Variants in CHD7 observed in about 807,000 individuals in gnomAD.
CHD7 encodes the protein ATP-dependent chromatin remodeler CHD7.
CHD7 carries 24 observed loss-of-function variants against 307.3 expected under a neutral mutation model. The ratio of observed to expected loss-of-function variants is 0.08; its 90% CI spans 0.06 to 0.11. The LOEUF (loss-of-function observed/expected upper bound fraction) is 0.11, where lower values mean the gene tolerates loss of function less well. CHD7 is among the 10% of genes least tolerant of loss of function. The probability of loss-of-function intolerance (pLI) is 1.00; values close to 1 mark genes in which losing one functional copy is unlikely to be tolerated. For synonymous variants in CHD7, 1,363 were observed against 1,349.9 expected, an observed-to-expected ratio of 1.01 and a Z score of -0.21; for missense variants, 3,106 against 3,727.1, an observed-to-expected ratio of 0.83 and a Z score of 4.34.
chr8:60,827,861 C>T (rs543839194), intron 13 of CHD7, among the ~76,000 whole-genome samples: 1 of 152,030 alleles, frequency 6.6e-6, no homozygotes, highest in Non-Finnish European at 1.5e-5. Context: ...TGTATAATTA[C>T]TTTCTGAAAT....
intron 5 of CHD7, among the ~76,000 whole-genome samples, chr8:60,801,106 TGTTAA>T (rs1812290047): frequency 6.6e-6 from 1 of 152,260 alleles, no homozygotes; most frequent in Admixed American, 6.5e-5. Context: ...ATTTGTTCTA[TGTTAA>T]GTTGTTACAT....
At chr8:60,697,847 T>TCTG (rs1375440184) in intron 1 of CHD7, among the ~76,000 whole-genome samples, 1 of 152,262 alleles carries the variant, frequency 6.6e-6, no homozygotes, top group East Asian at 1.9e-4. Flanking sequence ...TGGTGCCACC[T>TCTG]CTGATCTTGC....
chr8:60,760,181 G>A (rs1473769992), intron 2 of CHD7, among the ~76,000 whole-genome samples: 1 of 152,170 alleles, frequency 6.6e-6, no homozygotes, highest in Admixed American at 6.5e-5. Flanking sequence ...GACTTCATAA[G>A]ATGGTCCTAG....
rs2150775393 is a variant in CHD7 at position 60,836,058 on chromosome 8, G to A, written c.3779-15G>A. Reference sequence around the variant, plus strand: ...CCTTTTACAGTATTCACGTTATGCTGTCCAATCTCTGCAGGTGCTGAAGAG... The same window carrying A: ...CCTTTTACAGTATTCACGTTATGCTATCCAATCTCTGCAGGTGCTGAAGAG... On this transcript the variant is annotated splice_polypyrimidine_tract_variant and intron_variant, in intron 15 of 37. Coordinates refer to ENST00000423902, the MANE Select transcript of CHD7 (RefSeq NM_017780.4). The A allele has an allele frequency of 2.5e-6, 4 of 1,587,414 alleles. No homozygotes were observed. The highest frequency in any genetic ancestry group is 2.6e-6 in the Non-Finnish European group (3 of 1,161,066).
intron 2 of CHD7, among the ~76,000 whole-genome samples, chr8:60,747,833 A>G (rs151204915): frequency 1.8e-3 from 273 of 152,342 alleles, no homozygotes; most frequent in African/African-American, 6.1e-3. Flanking sequence ...TCATTTCATT[A>G]TCTCTGAAGT....
rs777040556 is a variant in CHD7, at chr8:60,742,418, A to G, written c.986A>G (p.Asn329Ser). The change falls in exon 2 of 38, where the codon AAT (asparagine) becomes AGT (serine). Residue 329 changes from asparagine (N) to serine (S), a missense_variant. Around this residue, in one of 10 missense-constraint regions of CHD7, gnomAD observed 998 missense variants for 1,004.5 expected, o/e 0.99. Coordinates refer to ENST00000423902, the MANE Select transcript of CHD7 (RefSeq NM_017780.4). ...GGATTAGTTAACAATACAGGGATGA[A>G]TCAAAATTTAGGCCTTACAAATAAT... is the stretch of plus-strand genomic sequence containing the variant. ...NQGLVNNTGMNQNLGLTNNTP... is the reference protein window; with the variant it reads ...NQGLVNNTGMSQNLGLTNNTP... 1 of 1,613,972 alleles carries G rather than the reference A, an allele frequency of 6.2e-7. No individual in the cohort carries two copies. Among genetic ancestry groups the G allele is most frequent in the Middle Eastern group, 1.6e-4 (1 of 6,062 alleles).
intron 3 of CHD7, among the ~76,000 whole-genome samples, chr8:60,790,383 A>T (rs756261798): frequency 2.0e-5 from 3 of 152,218 alleles, no homozygotes; most frequent in Non-Finnish European, 4.4e-5. Context: ...ATGTGAGATA[A>T]TGGTCACAAA....
chr8:60,794,236 T>C (rs1478479993), intron 3 of CHD7, among the ~76,000 whole-genome samples: 1 of 152,214 alleles, frequency 6.6e-6, no homozygotes, highest in East Asian at 1.9e-4. Flanking sequence ...AAACATTTTT[T>C]TCTTGAAGTT....
At chr8:60,684,102 G>C (rs1474993768) in intron 1 of CHD7, among the ~76,000 whole-genome samples, 1 of 152,026 alleles carries the variant, frequency 6.6e-6, no homozygotes, top group Non-Finnish European at 1.5e-5. Context: ...TGGGGTTTCT[G>C]TTCTGCTTTT....
At chr8:60,802,546 A>G (rs1169179514) in intron 6 of CHD7, among the ~76,000 whole-genome samples, 1 of 152,206 alleles carries the variant, frequency 6.6e-6, no homozygotes, top group African/African-American at 2.4e-5. Context: ...AAAAAATAAT[A>G]TATAATAAAG....
intron 4 of CHD7, among the ~76,000 whole-genome samples, chr8:60,796,524 T>C (rs542877478): frequency 6.6e-6 from 1 of 152,342 alleles, no homozygotes; most frequent in South Asian, 2.1e-4. Flanking sequence ...AATTCTGTTA[T>C]GTTGTTATTT....
At chr8:60,691,211 C>T (rs1172640335) in intron 1 of CHD7, among the ~76,000 whole-genome samples, 2 of 152,152 alleles carry the variant, frequency 1.3e-5, no homozygotes, top group Admixed American at 1.3e-4. Context: ...TGTCTGTGCC[C>T]AGCTGACATT....
In CHD7 at chr8:60,861,331, G is replaced by A. The variant is rs1421264786; in HGVS notation, c.7830+206G>A. The A allele has an allele frequency of 2.3e-5, 12 of 518,956 alleles. No homozygotes were observed. The Admixed American group carries it at 2.7e-4, about 12-fold the overall frequency. 32.1% of individuals were successfully genotyped at this position (518,956 alleles called of 1,614,324 possible). ...CTGTCTTACTGAAGGCAGCCTTACA[G>A]TTATTTGAAGATGCGCGTTATGCAT... On this transcript the variant is annotated intron_variant, in intron 35 of 37. Coordinates refer to ENST00000423902, the MANE Select transcript of CHD7 (RefSeq NM_017780.4).
chr8:60,706,667 T>G (rs1337948745), intron 1 of CHD7, among the ~76,000 whole-genome samples: 1 of 152,124 alleles, frequency 6.6e-6, no homozygotes, highest in Non-Finnish European at 1.5e-5. Context: ...AAAACTATAG[T>G]AATTTATGAT....
chr8:60,810,759 G>T (rs1812764087), intron 7 of CHD7, among the ~76,000 whole-genome samples: 1 of 152,154 alleles, frequency 6.6e-6, no homozygotes, highest in South Asian at 2.1e-4. Context: ...AATGTCCTTG[G>T]GTTGGTTATT....
chr8:60,811,795 TCAA>T (rs1402971889), intron 7 of CHD7, among the ~76,000 whole-genome samples: 2 of 152,230 alleles, frequency 1.3e-5, no homozygotes, highest in Non-Finnish European at 2.9e-5. Flanking sequence ...TATGTTCCTG[TCAA>T]CAAAGTATGC....
intron 1 of CHD7, among the ~76,000 whole-genome samples, chr8:60,724,440 A>G (rs895948249): frequency 3.3e-5 from 5 of 152,250 alleles, no homozygotes; most frequent in African/African-American, 1.2e-4. Context: ...TGACTGCTGC[A>G]TGCAAGGCAT....
At chr8:60,850,421 C>G in intron 25 of CHD7, 72 bp from the exon 26 acceptor site, 1 of 1,533,850 alleles carries the variant, frequency 6.5e-7, no homozygotes. Flanking sequence ...TGTGGCAGTG[C>G]TGTGATTTTG....
intron 2 of CHD7, among the ~76,000 whole-genome samples, chr8:60,747,224 C>T (rs1009064275): frequency 2.0e-5 from 3 of 151,784 alleles, no homozygotes; most frequent in Admixed American, 6.6e-5. Flanking sequence ...TACAGGCACC[C>T]GCCACCACGC....
Sources: allele counts gnomAD v4.1 joint callset (sites outside exome capture counted in the v4.1 genomes callset), GRCh38; gene constraint gnomAD v4.1.1; regional missense constraint gnomAD v4.1.1; transcripts MANE v1.5; gene names NCBI Gene and HGNC (gene_info 2026-07-23, HGNC 2026-07-21).